The following CTIF variants were observed in gnomAD, a reference collection of about 807,000 sequenced individuals.
CTIF encodes cap binding complex dependent translation initiation factor.
CTIF carries 21 observed loss-of-function variants against 66.0 expected under a neutral mutation model. That is an observed-to-expected ratio of 0.32 (90% CI 0.23 to 0.46). CTIF has a LOEUF of 0.46. Among genes scored for constraint, CTIF ranks in the 20% least tolerant of loss-of-function variants. CTIF has a pLI of 1.00. For synonymous variants in CTIF, 345 were observed against 326.4 expected (o/e 1.06, Z -0.62); for missense variants, 739 against 812.7 (o/e 0.91, Z 1.10).
In CTIF at chr18:48,541,470, T is replaced by C. The variant is rs72923596; in HGVS notation, c.-29+2158T>C. 7.8e-3 allele frequency among the ~76,000 whole-genome samples: 1,192 copies of C among 152,356 alleles called. 6 individuals carry two copies. The highest frequency in any genetic ancestry group is 0.012 in the Non-Finnish European group (792 of 68,026). On this transcript the variant is annotated intron_variant, in intron 1 of 11. Coordinates refer to ENST00000256413, the MANE Select transcript of CTIF (RefSeq NM_014772.3). ...CCGGCTGTCCGTTCCCAGTTCCTCC[T>C]GCCCAGGGCCCGATCTGGGCTGAAA...
chr18:48,739,688 GC>G (rs1204684693), intron 7 of CTIF, among the ~76,000 whole-genome samples: 1 of 152,230 alleles, frequency 6.6e-6, no homozygotes, highest in Non-Finnish European at 1.5e-5. Context: ...TTGGCCCTTG[GC>G]GGGGCCCTTC....
At chr18:48,618,894 T>G (rs1598748021) in intron 1 of CTIF, among the ~76,000 whole-genome samples, 1 of 152,342 alleles carries the variant, frequency 6.6e-6, no homozygotes, top group East Asian at 1.9e-4. Flanking sequence ...CAGCAAGCCT[T>G]TCTCGTTCTG....
At chr18:48,652,460 A>T (rs1029084035) in intron 3 of CTIF, among the ~76,000 whole-genome samples, 2 of 152,224 alleles carry the variant, frequency 1.3e-5, no homozygotes, top group African/African-American at 4.8e-5. Flanking sequence ...TGAATAGACC[A>T]ATAACAGGCT....
chr18:48,704,227 A>G (rs1338871265), intron 6 of CTIF, among the ~76,000 whole-genome samples: 1 of 152,080 alleles, frequency 6.6e-6, no homozygotes, highest in Non-Finnish European at 1.5e-5. Context: ...TGCCTCAGAG[A>G]TGGAAGACAC....
intron 1 of CTIF, among the ~76,000 whole-genome samples, chr18:48,577,759 G>C: frequency 6.6e-6 from 1 of 152,170 alleles, no homozygotes. Flanking sequence ...AGTTTTTGTA[G>C]AGAAGGCATT....
intron 9 of CTIF, among the ~76,000 whole-genome samples, chr18:48,790,930 C>G (rs1225013098): frequency 6.6e-6 from 1 of 152,238 alleles, no homozygotes; most frequent in Admixed American, 6.5e-5. Context: ...CTCCTCTAGC[C>G]AGCTTCCCCC....
At chr18:48,734,199 G>A (rs2092479732) in intron 7 of CTIF, among the ~76,000 whole-genome samples, 1 of 152,214 alleles carries the variant, frequency 6.6e-6, no homozygotes, top group Non-Finnish European at 1.5e-5. Flanking sequence ...GGAGTGGGGA[G>A]ACCCTCGGCT....
At chr18:48,724,761 C>G (rs1470190880) in intron 7 of CTIF, among the ~76,000 whole-genome samples, 1 of 152,216 alleles carries the variant, frequency 6.6e-6, no homozygotes, top group African/African-American at 2.4e-5. Flanking sequence ...ATCCAGCACA[C>G]ACATTCATTC....
chr18:48,778,005 G>A lies in CTIF; in HGVS notation c.1371+16316G>A, dbSNP rs571015810. Among the ~76,000 whole-genome samples the A allele has an allele frequency of 5.3e-5, 8 of 152,298 alleles. No homozygotes were observed. In the South Asian group the frequency reaches 1.2e-3, roughly 24 times the overall value. ...GCCGTAGAGTCACTGTTTCAACACC[G>A]CCAATTTGTTGGTCCCACGCCTGGG... On this transcript the variant is annotated intron_variant, in intron 9 of 11. Coordinates refer to ENST00000256413, the MANE Select transcript of CTIF (RefSeq NM_014772.3).
chr18:48,611,515 A>G (rs1340265064), intron 1 of CTIF, among the ~76,000 whole-genome samples: 2 of 152,238 alleles, frequency 1.3e-5, no homozygotes, highest in African/African-American at 2.4e-5. Context: ...GAGTATCTGA[A>G]TAATGGATAA....
chr18:48,691,311 G>T (rs2091922277), intron 6 of CTIF, among the ~76,000 whole-genome samples: 1 of 152,114 alleles, frequency 6.6e-6, no homozygotes, highest in African/African-American at 2.4e-5. Context: ...GCCCTCTGGT[G>T]CCGAAGACAA....
intron 9 of CTIF, among the ~76,000 whole-genome samples, chr18:48,795,310 G>T (rs945485449): frequency 3.3e-5 from 5 of 152,146 alleles, no homozygotes; most frequent in Non-Finnish European, 7.4e-5. Flanking sequence ...ACACCCTGCA[G>T]GTGGGCCTTA....
At chr18:48,678,031 G>T (rs1050366703) in intron 6 of CTIF, among the ~76,000 whole-genome samples, 13 of 152,214 alleles carry the variant, frequency 8.5e-5, no homozygotes, top group African/African-American at 2.7e-4. Flanking sequence ...GGAGAAGGGG[G>T]ATTGGAATCC....
At position 48,706,113 on chromosome 18, in the gene CTIF, G is replaced by A. The variant is rs575191296; in HGVS notation, c.508-5506G>A. ...CGTCAAGTGTTACCTGAACAGAGAG[G>A]TCTTCCCTGACCCCTCCACCCGTCC... On this transcript the variant is annotated intron_variant, in intron 6 of 11. Coordinates refer to ENST00000256413, the MANE Select transcript of CTIF (RefSeq NM_014772.3). Among the ~76,000 whole-genome samples, 12 of 152,228 alleles carry A rather than the reference G, an allele frequency of 7.9e-5. No individual in the cohort carries two copies. In the East Asian group the frequency reaches 2.3e-3, roughly 29 times the overall value.
At chr18:48,576,172 A>T (rs16949510) in intron 1 of CTIF, among the ~76,000 whole-genome samples, 11,256 of 152,254 alleles carry the variant, frequency 0.074, 548 homozygotes, top group African/African-American at 0.13. Context: ...TTGGGGGTGT[A>T]TGGTCACTTG....
chr18:48,859,536 A>C lies in CTIF; in HGVS notation c.1774A>C (p.Thr592Pro), dbSNP rs1394330343. The stretch of plus-strand genomic sequence containing the variant: ...CCCCATCACGCAGTACTACAACAGA[A>C]CCATCCAGAAACTGACAGCCTGACA... ...TPPITQYYNR[T>P]IQKLTA The change falls in exon 12 of 12, where the codon ACC (threonine) becomes CCC (proline). Residue 592 changes from threonine (T) to proline (P), a missense_variant. By Grantham distance (38) the Thr-to-Pro change is conservative. Transcript: ENST00000256413. 1 of 1,613,892 alleles carries C rather than the reference A, an allele frequency of 6.2e-7. No homozygotes were observed. The highest frequency in any genetic ancestry group is 1.3e-5 in the African/African-American group (1 of 74,928).
intron 6 of CTIF, among the ~76,000 whole-genome samples, chr18:48,680,382 G>T (rs60420240): frequency 0.014 from 2,181 of 152,358 alleles, 61 homozygotes; most frequent in African/African-American, 0.05. Flanking sequence ...GCCAGATTGA[G>T]GACAGCCTTC....
chr18:48,817,319 C>T lies in CTIF; in HGVS notation c.1470C>T (p.Ser490=), dbSNP rs1004800376. 3 of 1,613,980 alleles carry T rather than the reference C, an allele frequency of 1.9e-6. No homozygotes were observed. The highest frequency in any genetic ancestry group is 3.3e-5 in the Admixed American group (2 of 60,032). ...GCGAGGTCTTCGGCACCATGCGCAG[C>T]AGCACAGGCGAGCCCTTCCGTGTGC... is the stretch of plus-strand genomic sequence containing the variant. ...FLCEVFGTMR[S]STGEPFRVLV... Residue 490 remains serine (S), a synonymous_variant, in exon 10 of 12, where the codon AGC becomes AGT. Coordinates refer to ENST00000256413, the MANE Select transcript of CTIF (RefSeq NM_014772.3).
intron 7 of CTIF, among the ~76,000 whole-genome samples, chr18:48,751,522 TAGAG>T (rs1394884172): frequency 2.0e-5 from 3 of 152,172 alleles, no homozygotes; most frequent in South Asian, 2.1e-4. Flanking sequence ...ACAAGGAAGA[TAGAG>T]AGAAGGTTCT....
Sources: allele counts gnomAD v4.1 joint callset (sites outside exome capture counted in the v4.1 genomes callset), GRCh38; gene constraint gnomAD v4.1.1; transcripts MANE v1.5; gene names NCBI Gene and HGNC (gene_info 2026-07-23, HGNC 2026-07-21).